The following TEX48 variants were observed in gnomAD, a reference collection of about 807,000 sequenced individuals.
TEX48 encodes the protein testis-expressed protein 48.
TEX48 carries 10 observed loss-of-function variants against 13.2 expected under a neutral mutation model. The ratio of observed to expected loss-of-function variants is 0.75; its 90% CI spans 0.47 to 1.28. The LOEUF is 1.28. Ranked by LOEUF, TEX48 falls within the 50% of genes most tolerant of loss-of-function variation. The pLI is 0.00. For missense variants in TEX48, 116 were observed against 139.4 expected, an observed-to-expected ratio of 0.83 and a Z score of 0.84; for synonymous variants, 45 against 52.3, an observed-to-expected ratio of 0.86 and a Z score of 0.60.
At chr9:114,666,797 C>A in intron 4 of TEX48, 51 bp from the exon 5 acceptor site, 2 of 897,118 alleles carry the variant, frequency 2.2e-6, no homozygotes, top group Admixed American at 2.2e-5. Context: ...TTGAATTGGG[C>A]TTTGATGAAC....
intron 3 of TEX48, among the ~76,000 whole-genome samples, chr9:114,670,792 C>T (rs1827932952): frequency 6.6e-6 from 1 of 152,152 alleles, no homozygotes; most frequent in Non-Finnish European, 1.5e-5. Flanking sequence ...CATACTCTAT[C>T]CTGATCAATA....
intron 3 of TEX48, among the ~76,000 whole-genome samples, chr9:114,668,955 G>GC (rs1376236105): frequency 4.6e-5 from 7 of 152,010 alleles, no homozygotes; most frequent in Non-Finnish European, 1.0e-4. Flanking sequence ...TCCTGCCTCA[G>GC]CCCCCCGAGT....
Position 114,666,588 on chromosome 9 carries a change from C to T in TEX48, c.*55G>A, listed in dbSNP as rs550723839. ...ATTAGTCTTCATGACTCCTGTCCACCGCCCTCTTCCTCATGGAGATGCCCC... is the reference window on the plus strand; with the variant it reads ...ATTAGTCTTCATGACTCCTGTCCACTGCCCTCTTCCTCATGGAGATGCCCC... On this transcript the variant is annotated 3_prime_UTR_variant, in exon 5 of 5. Coordinates refer to ENST00000436752, the MANE Select transcript of TEX48 (RefSeq NM_001199233.2). 1.6e-4 allele frequency: 158 copies of T among 1,012,768 alleles called. 1 individual carries two copies. In the East Asian group the frequency reaches 2.4e-3, roughly 15 times the overall value. The allele number at this position is 1,012,768 out of a possible 1,614,324, so 62.7% of individuals were successfully genotyped here. A position where few individuals can be genotyped will look rare whatever the true frequency, so the allele number is the denominator to read the frequency against.
At chr9:114,679,250 G>C (rs544026985) in intron 1 of TEX48, among the ~76,000 whole-genome samples, 1 of 140,866 alleles carries the variant, frequency 7.1e-6, no homozygotes, top group Non-Finnish European at 1.6e-5. Flanking sequence ...TTTTCCAAGA[G>C]TCCTAAAATG....
chr9:114,676,023 C>T (rs1002449393), intron 1 of TEX48, among the ~76,000 whole-genome samples: 8 of 152,268 alleles, frequency 5.3e-5, no homozygotes. Context: ...CCATGTTTTC[C>T]TGTACACAGC....
At chr9:114,669,908 C>T (rs150521151) in intron 3 of TEX48, among the ~76,000 whole-genome samples, 5 of 152,292 alleles carry the variant, frequency 3.3e-5, no homozygotes, top group Non-Finnish European at 7.3e-5. Flanking sequence ...TTGTGATGAA[C>T]ATTGTTGTAT....
chr9:114,666,697 G>A lies in TEX48; in HGVS notation c.309C>T (p.Asn103=), dbSNP rs1235377735. Residue 103 remains asparagine, a synonymous_variant, in exon 5 of 5, where the codon AAC becomes AAT. Transcript: ENST00000436752. ...ATGGCCAGTGCTCCTGGCAGTAGCGGTTTAAGTTTCTCTTGTAAAAATTTC... is the reference window on the plus strand; with the variant it reads ...ATGGCCAGTGCTCCTGGCAGTAGCGATTTAAGTTTCTCTTGTAAAAATTTC... The part of the protein sequence containing the change: ...SQRNFYKRNL[N]RYCQEHWPFQ... 2.0e-6 allele frequency: 3 copies of A among 1,535,252 alleles called. No individual in the cohort carries two copies. The highest frequency in any genetic ancestry group is 1.4e-5 in the African/African-American group (1 of 73,020).
At chr9:114,675,800 G>A (rs1035432784) in intron 1 of TEX48, among the ~76,000 whole-genome samples, 2 of 152,136 alleles carry the variant, frequency 1.3e-5, no homozygotes, top group Non-Finnish European at 2.9e-5. Context: ...TGCACTCACC[G>A]CCCTACAGCC....
intron 1 of TEX48, among the ~76,000 whole-genome samples, chr9:114,674,601 C>CTCTCTCT (rs1463021505): frequency 1.2e-5 from 1 of 84,718 alleles, no homozygotes; most frequent in Non-Finnish European, 2.3e-5. Flanking sequence ...TTCTCTTTTT[C>CTCTCTCT]TTTCCTTCCT....
intron 1 of TEX48, among the ~76,000 whole-genome samples, chr9:114,674,751 G>T (rs1260431815): frequency 2.0e-5 from 3 of 150,406 alleles, no homozygotes; most frequent in African/African-American, 7.3e-5. Context: ...CACAATCATG[G>T]TTCACTGCAG....
At chr9:114,676,802 G>C (rs1229719050) in intron 1 of TEX48, among the ~76,000 whole-genome samples, 1 of 151,892 alleles carries the variant, frequency 6.6e-6, no homozygotes, top group Non-Finnish European at 1.5e-5. Context: ...ATTTTTAGTA[G>C]AGACGGGGTT....
In TEX48 at chr9:114,672,248, G is replaced by C. The variant is rs571666202; in HGVS notation, c.-104-421C>G. On this transcript the variant is annotated intron_variant, in intron 1 of 4. Transcript: ENST00000436752. ...TATGGACTTGTAGGTTTAAATTCTG[G>C]TTTTGCCACTAATTTGCTGGAGGGC... is the stretch of plus-strand genomic sequence containing the variant. Among the ~76,000 whole-genome samples, 3 of 152,224 alleles carry C rather than the reference G, an allele frequency of 2.0e-5. No individual in the cohort carries two copies. In the South Asian group the frequency reaches 6.2e-4, roughly 32 times the overall value.
chr9:114,666,561 G>A lies in TEX48; in HGVS notation c.*82C>T, dbSNP rs942174904. 9 of 763,898 alleles carry A rather than the reference G, an allele frequency of 1.2e-5. No homozygotes were observed. Among genetic ancestry groups the A allele is most frequent in the Middle Eastern group, 3.6e-4 (1 of 2,764 alleles). 47.3% of individuals were successfully genotyped at this position (763,898 alleles called of 1,614,324 possible). ...CTTCTCCTCCTTCAGGGGAGTTTCC[G>A]AATTAGTCTTCATGACTCCTGTCCA... On this transcript the variant is annotated 3_prime_UTR_variant, in exon 5 of 5. Transcript: ENST00000436752.
chr9:114,680,757 C>G (rs1828180637), intron 1 of TEX48, among the ~76,000 whole-genome samples: 1 of 152,132 alleles, frequency 6.6e-6, no homozygotes, highest in Admixed American at 6.5e-5. Context: ...GCCCTGTAAC[C>G]ACGGTAACAA....
intron 3 of TEX48, among the ~76,000 whole-genome samples, chr9:114,670,350 C>T (rs1763341437): frequency 6.6e-6 from 1 of 152,094 alleles, no homozygotes; most frequent in Admixed American, 6.5e-5. Flanking sequence ...ATTTTAAAGA[C>T]CCTCACATGT....
At chr9:114,675,625 T>G (rs1828045320) in intron 1 of TEX48, among the ~76,000 whole-genome samples, 1 of 152,206 alleles carries the variant, frequency 6.6e-6, no homozygotes, top group African/African-American at 2.4e-5. Flanking sequence ...TTCTCATTGG[T>G]TTGTTTGCCT....
In TEX48 at chr9:114,666,514, G is replaced by A; in HGVS notation, c.*129C>T. 1.7e-6 allele frequency: 1 copy of A among 578,228 alleles called. No homozygotes were observed. Among genetic ancestry groups the A allele is most frequent in the Non-Finnish European group, 3.0e-6 (1 of 335,084 alleles). The allele number at this position is 578,228 out of a possible 1,614,324, so 35.8% of individuals were successfully genotyped here. ...GGAGCTGGAGTGACTCTTGCTTGGT[G>A]GCACAAGGATGGCTCAGATGTCTTC... is the stretch of plus-strand genomic sequence containing the variant. On this transcript the variant is annotated 3_prime_UTR_variant, in exon 5 of 5. Transcript: ENST00000436752.
chr9:114,676,194 C>T (rs983815252), intron 1 of TEX48, among the ~76,000 whole-genome samples: 1 of 152,108 alleles, frequency 6.6e-6, no homozygotes, highest in Admixed American at 6.5e-5. Context: ...GACAGGGTCT[C>T]ACTCTGACAC....
chr9:114,669,129 T>A (rs555562735), intron 3 of TEX48, among the ~76,000 whole-genome samples: 2 of 152,180 alleles, frequency 1.3e-5, no homozygotes, highest in Admixed American at 1.3e-4. Context: ...TTGTGAGCCA[T>A]CTCACCCAGC....
Sources: gnomAD v4.1 joint callset for allele counts (sites outside exome capture counted in the v4.1 genomes callset) on GRCh38, gnomAD v4.1.1 for gene constraint, MANE v1.5 for transcripts, NCBI Gene and HGNC (gene_info 2026-07-23, HGNC 2026-07-21) for gene names.